The following FKBP5 variants were observed in gnomAD, a reference collection of about 807,000 sequenced individuals.
FKBP5 encodes the protein FKBP prolyl isomerase 5, also known as peptidyl-prolyl cis-trans isomerase FKBP5.
A neutral mutation model predicts 50.5 loss-of-function variants in FKBP5; 23 were observed. That is an observed-to-expected ratio of 0.46 (90% confidence interval 0.33 to 0.65). The LOEUF is 0.65. Ranked by LOEUF, FKBP5 falls within the 30% of genes least tolerant of loss-of-function variation. FKBP5 has a pLI of 0.02. For synonymous variants in FKBP5, 176 were observed against 190.6 expected (o/e 0.92, Z 0.63); for missense variants, 411 against 553.1 (o/e 0.74, Z 2.58).
intron 1 of FKBP5, among the ~76,000 whole-genome samples, chr6:35,650,110 G>A (rs143517763): frequency 6.6e-6 from 1 of 152,210 alleles, no homozygotes; most frequent in Non-Finnish European, 1.5e-5. Context: ...TGTAATCCCA[G>A]TACTTTGGGA....
At chr6:35,675,526 C>G (rs537140356) in intron 1 of FKBP5, among the ~76,000 whole-genome samples, 17 of 152,254 alleles carry the variant, frequency 1.1e-4, no homozygotes, top group African/African-American at 4.1e-4. Context: ...GCCGAGATCA[C>G]GCCACTGCAC....
intron 2 of FKBP5, among the ~76,000 whole-genome samples, chr6:35,637,828 T>C (rs1581840930): frequency 1.3e-5 from 2 of 152,150 alleles, no homozygotes; most frequent in South Asian, 4.1e-4. Context: ...GAAAGAATGG[T>C]GGACTTTTAA....
intron 3 of FKBP5, among the ~76,000 whole-genome samples, chr6:35,625,585 A>G (rs1313774266): frequency 1.3e-5 from 2 of 149,364 alleles, no homozygotes; most frequent in East Asian, 4.3e-4. Flanking sequence ...AAATACAAAA[A>G]ATTAGCCGGG....
At chr6:35,583,759 A>C (rs1762517080) in intron 8 of FKBP5, 4 of 985,060 alleles carry the variant, frequency 4.1e-6, no homozygotes, top group Non-Finnish European at 4.8e-6. Context: ...CTGAGGTTGA[A>C]AAATTCTGCA....
intron 1 of FKBP5, among the ~76,000 whole-genome samples, chr6:35,664,185 C>A (rs190840371): frequency 1.3e-5 from 2 of 152,170 alleles, no homozygotes; most frequent in Non-Finnish European, 2.9e-5. Context: ...GATGGTGATT[C>A]TTACAATTTG....
chr6:35,613,290 C>T (rs1763547196), intron 5 of FKBP5, among the ~76,000 whole-genome samples: 1 of 152,168 alleles, frequency 6.6e-6, no homozygotes, highest in African/African-American at 2.4e-5. Flanking sequence ...TCTCTGCTCA[C>T]TGCAACCTCC....
intron 9 of FKBP5, among the ~76,000 whole-genome samples, chr6:35,578,578 G>A (rs1762302061): frequency 6.6e-6 from 1 of 152,078 alleles, no homozygotes; most frequent in Non-Finnish European, 1.5e-5. Context: ...AACCAGCCGG[G>A]CCAACATGGT....
At chr6:35,709,651 T>G (rs1006888094) in intron 2 of FKBP5, among the ~76,000 whole-genome samples, 20 of 152,222 alleles carry the variant, frequency 1.3e-4, no homozygotes, top group Admixed American at 1.2e-3. Flanking sequence ...TTTCTTTTCT[T>G]TCTTGTTTTC....
chr6:35,621,603 G>A (rs1763844168), intron 3 of FKBP5, among the ~76,000 whole-genome samples: 2 of 142,870 alleles, frequency 1.4e-5, no homozygotes, highest in Admixed American at 1.4e-4. Flanking sequence ...GGGCGACACA[G>A]CAAGACTCTG....
intron 1 of FKBP5, among the ~76,000 whole-genome samples, chr6:35,670,504 C>T (rs981507763): frequency 1.3e-5 from 2 of 151,552 alleles, no homozygotes; most frequent in Non-Finnish European, 2.9e-5. Flanking sequence ...GAGGCTGAGG[C>T]GGGTGGATCA....
At chr6:35,585,520 A>G (rs1425510470) in intron 8 of FKBP5, 1 of 985,184 alleles carries the variant, frequency 1.0e-6, no homozygotes, top group Non-Finnish European at 1.2e-6. Context: ...TGGACCTTAA[A>G]TGACTAAATC....
intron 2 of FKBP5, among the ~76,000 whole-genome samples, chr6:35,704,874 G>A (rs929533164): frequency 6.6e-6 from 1 of 151,960 alleles, no homozygotes; most frequent in Admixed American, 6.6e-5. Flanking sequence ...GGGCGCGGTG[G>A]CTCACACCTG....
rs115014304 is a variant in FKBP5 at position 35,638,886 on chromosome 6, G to A, written c.106-1728C>T. Reference sequence around the variant, plus strand: ...GGCTATGCTCAACTGTAAGCCTCACGTGGAAGGAATCTGCATTTCTAGGAC... The same window carrying A: ...GGCTATGCTCAACTGTAAGCCTCACATGGAAGGAATCTGCATTTCTAGGAC... On this transcript the variant is annotated intron_variant, in intron 2 of 10. Coordinates refer to ENST00000357266, the MANE Select transcript of FKBP5 (RefSeq NM_004117.4). 3.9e-3 allele frequency among the ~76,000 whole-genome samples: 599 copies of A among 152,296 alleles called. 5 individuals carry two copies. The highest frequency in any genetic ancestry group is 0.011 in the African/African-American group (471 of 41,558).
At chr6:35,723,895 G>A (rs1766656632) in intron 1 of FKBP5, among the ~76,000 whole-genome samples, 1 of 152,216 alleles carries the variant, frequency 6.6e-6, no homozygotes, top group South Asian at 2.1e-4. Context: ...GCTCAGGAGA[G>A]GCCCTGTGAT....
chr6:35,593,095 C>T (rs892425676), intron 6 of FKBP5, among the ~76,000 whole-genome samples: 19 of 152,306 alleles, frequency 1.2e-4, no homozygotes, highest in African/African-American at 4.6e-4. Context: ...TGGAAGCCCA[C>T]GCCAAGATAT....
intron 2 of FKBP5, among the ~76,000 whole-genome samples, chr6:35,699,305 G>T (rs1401193828): frequency 6.6e-6 from 1 of 152,190 alleles, no homozygotes. Context: ...TATGGAAATT[G>T]TCAGGCCTTC....
Position 35,592,135 on chromosome 6 carries a change from T to G in FKBP5, c.666-915A>C, listed in dbSNP as rs1463244114. On this transcript the variant is annotated intron_variant, in intron 6 of 10. Coordinates refer to ENST00000357266, the MANE Select transcript of FKBP5 (RefSeq NM_004117.4). Reference sequence around the variant, plus strand: ...TCACTGAAATATATTATGTTCCCATTTGTTGCAAGCAAAGCTGTTCTTTAA... The same window carrying G: ...TCACTGAAATATATTATGTTCCCATGTGTTGCAAGCAAAGCTGTTCTTTAA... 3.9e-5 allele frequency among the ~76,000 whole-genome samples: 6 copies of G among 152,226 alleles called. No homozygotes were observed. The East Asian group carries it at 7.7e-4, about 20-fold the overall frequency.
At chr6:35,656,287 G>A (rs974192688) in intron 1 of FKBP5, among the ~76,000 whole-genome samples, 5 of 152,148 alleles carry the variant, frequency 3.3e-5, no homozygotes, top group African/African-American at 1.2e-4. Flanking sequence ...CTATTAACTA[G>A]CTGTGGAATC....
intron 1 of FKBP5, among the ~76,000 whole-genome samples, chr6:35,656,426 T>C (rs1764950796): frequency 1.3e-5 from 2 of 152,230 alleles, no homozygotes; most frequent in African/African-American, 4.8e-5. Context: ...TATGTTTTAC[T>C]TTTGGGGAAA....
Sources: allele counts gnomAD v4.1 joint callset (sites outside exome capture counted in the v4.1 genomes callset), GRCh38; gene constraint gnomAD v4.1.1; transcripts MANE v1.5; gene names NCBI Gene and HGNC (gene_info 2026-07-23, HGNC 2026-07-21).